PLA2G4C: variants seen among roughly 807,000 people sequenced by gnomAD.
The protein encoded by PLA2G4C is phospholipase A2 group IVC.
A neutral mutation model predicts 73.8 loss-of-function variants in PLA2G4C; 64 were observed. The ratio of observed to expected loss-of-function variants is 0.87; its 90% CI spans 0.71 to 1.07. PLA2G4C has a LOEUF of 1.07. PLA2G4C is among the 50% of genes least tolerant of loss of function. The pLI is 0.00. For synonymous variants in PLA2G4C, 254 were observed against 252.1 expected, an observed-to-expected ratio of 1.01 and a Z score of -0.07; for missense variants, 622 against 665.4, an observed-to-expected ratio of 0.93 and a Z score of 0.72.
chr19:48,068,488 G>C (rs1968533253), intron 12 of PLA2G4C, among the ~76,000 whole-genome samples: 1 of 151,750 alleles, frequency 6.6e-6, no homozygotes, highest in South Asian at 2.1e-4. Flanking sequence ...TTTGAGACCA[G>C]CTTGGGCAAG....
At chr19:48,107,137 G>A (rs8101311) in intron 1 of PLA2G4C, among the ~76,000 whole-genome samples, 45,906 of 151,732 alleles carry the variant, frequency 0.3, 7,923 homozygotes, top group East Asian at 0.51. Context: ...GAGCCACCGC[G>A]TCCGACCTGA....
rs767834879 is a variant in PLA2G4C, at chr19:48,106,565, C to A, written c.-32-4G>T. ...GGTCAGAAAATTCTCAGTCCTCCTGCCAAAGAAATGGCTCTTCTTAGTCCT... is the reference window on the plus strand; with the variant it reads ...GGTCAGAAAATTCTCAGTCCTCCTGACAAAGAAATGGCTCTTCTTAGTCCT... On this transcript the variant is annotated splice_polypyrimidine_tract_variant and splice_region_variant and intron_variant, in intron 1 of 16. Transcript: ENST00000599921. The A allele has an allele frequency of 4.1e-5, 66 of 1,612,372 alleles. No homozygotes were observed. Among genetic ancestry groups the A allele is most frequent in the Middle Eastern group, 3.3e-4 (2 of 6,080 alleles).
chr19:48,095,907 G>A (rs2031543673), intron 6 of PLA2G4C, among the ~76,000 whole-genome samples: 1 of 152,196 alleles, frequency 6.6e-6, no homozygotes, highest in Non-Finnish European at 1.5e-5. Context: ...GAGTGCAAGG[G>A]AAGAGTGTAG....
At chr19:48,071,592 C>A (rs1484544061) in intron 12 of PLA2G4C, among the ~76,000 whole-genome samples, 1 of 151,860 alleles carries the variant, frequency 6.6e-6, no homozygotes, top group African/African-American at 2.4e-5. Context: ...CCACCACACC[C>A]GGCCATTCTA....
chr19:48,091,188 ATTAT>A (rs199986034), intron 7 of PLA2G4C, among the ~76,000 whole-genome samples: 3,862 of 151,970 alleles, frequency 0.025, 78 homozygotes, highest in South Asian at 0.058. Context: ...CTAACTTTGT[ATTAT>A]TTATTTATTT....
chr19:48,050,348 T>C (rs901560419), intron 16 of PLA2G4C, among the ~76,000 whole-genome samples: 3 of 152,076 alleles, frequency 2.0e-5, no homozygotes, highest in Admixed American at 6.5e-5. Context: ...CTGGGGAACA[T>C]AGACTGGTCC....
In PLA2G4C at chr19:48,063,244, A is replaced by C. The variant is rs372496466; in HGVS notation, c.1103-1092T>G. Reference sequence around the variant, plus strand: ...TTTCTAGTAGAGACAAGGTTTCCCCATCTTGGCAAGGCTGGTCTTGAACTC... The same window carrying C: ...TTTCTAGTAGAGACAAGGTTTCCCCCTCTTGGCAAGGCTGGTCTTGAACTC... On this transcript the variant is annotated intron_variant, in intron 13 of 16. Coordinates refer to ENST00000599921, the MANE Select transcript of PLA2G4C (RefSeq NM_003706.3). 1.0e-3 allele frequency among the ~76,000 whole-genome samples: 152 copies of C among 152,132 alleles called. 3 individuals are homozygous for C. In the South Asian group the frequency reaches 0.03, roughly 30 times the overall value.
intron 15 of PLA2G4C, among the ~76,000 whole-genome samples, chr19:48,054,597 G>A (rs1045806319): frequency 2.6e-5 from 4 of 151,958 alleles, no homozygotes; most frequent in African/African-American, 9.7e-5. Flanking sequence ...TTACAGGCAT[G>A]AGCCACCGCG....
chr19:48,098,301 G>A (rs1283928036), intron 5 of PLA2G4C, 42 bp from the exon 6 acceptor site: 3 of 1,571,840 alleles, frequency 1.9e-6, no homozygotes, highest in South Asian at 1.2e-5. Context: ...GAGGCATGTG[G>A]GTCCCACAGG....
At chr19:48,060,621 T>C (rs1968134045) in intron 14 of PLA2G4C, among the ~76,000 whole-genome samples, 1 of 152,198 alleles carries the variant, frequency 6.6e-6, no homozygotes, top group South Asian at 2.1e-4. Context: ...AGGTTAAGCC[T>C]ATCGCTCGGG....
In PLA2G4C at chr19:48,077,811, C is replaced by T; in HGVS notation, c.858G>A (p.Arg286=). The change falls in exon 11 of 17, where the codon AGG becomes AGA. Residue 286 remains arginine (R), a synonymous_variant. Coordinates refer to ENST00000599921, the MANE Select transcript of PLA2G4C (RefSeq NM_003706.3). ...IGHLIFARLL[R]LQESSQGEHP... ...GTTCCCCTTGTGAACTTTCTTGCAG[C>T]CTCAGTAATCGGGCTGCAAAAGAGC... is the stretch of plus-strand genomic sequence containing the variant. 6.2e-7 allele frequency: 1 copy of T among 1,607,392 alleles called. No individual in the cohort carries two copies. Among genetic ancestry groups the T allele is most frequent in the Middle Eastern group, 1.7e-4 (1 of 5,928 alleles).
chr19:48,070,150 G>C (rs2386976), intron 12 of PLA2G4C, among the ~76,000 whole-genome samples: 1 of 152,030 alleles, frequency 6.6e-6, no homozygotes, highest in Non-Finnish European at 1.5e-5. Flanking sequence ...AGATTTATGA[G>C]GAATAAGTAA....
At chr19:48,055,854 C>T (rs1967921890) in intron 14 of PLA2G4C, among the ~76,000 whole-genome samples, 1 of 151,676 alleles carries the variant, frequency 6.6e-6, no homozygotes, top group Admixed American at 6.6e-5. Flanking sequence ...GGTTGGTGAT[C>T]CTCAGGTGAT....
At position 48,088,685 on chromosome 19, in the gene PLA2G4C, C is replaced by G. The variant is rs749480172; in HGVS notation, c.790+1G>C. The G allele has an allele frequency of 9.3e-6, 15 of 1,607,620 alleles. No homozygotes were observed. The highest frequency in any genetic ancestry group is 1.3e-5 in the Non-Finnish European group (15 of 1,174,156). ...GATTCATGATGAAGTAGGATGCTTA[C>G]CTTTCAGGGTCAGATTCCTTAACTG... On this transcript the variant is annotated splice_donor_variant, in intron 9 of 16. Transcript: ENST00000599921. LOFTEE classifies it high-confidence loss of function.
Position 48,088,731 on chromosome 19 carries a change from A to G in PLA2G4C, c.764-19T>C. ...AACTGGTCTGCAAAAGAGTAGAAGC[A>G]GGAGGAATGTTTATCTGTACAACAA... On this transcript the variant is annotated intron_variant, in intron 8 of 16. Coordinates refer to ENST00000599921, the MANE Select transcript of PLA2G4C (RefSeq NM_003706.3). The G allele has an allele frequency of 6.3e-7, 1 of 1,584,478 alleles. No individual in the cohort carries two copies. The highest frequency in any genetic ancestry group is 8.7e-7 in the Non-Finnish European group (1 of 1,152,840).
At chr19:48,078,045 T>A (rs1461575937) in intron 10 of PLA2G4C, among the ~76,000 whole-genome samples, 1 of 152,064 alleles carries the variant, frequency 6.6e-6, no homozygotes, top group African/African-American at 2.4e-5. Context: ...ATCAAGTGGG[T>A]TTCATACTAG....
chr19:48,109,736 G>A (rs1041574543), intron 1 of PLA2G4C, among the ~76,000 whole-genome samples: 8 of 151,984 alleles, frequency 5.3e-5, no homozygotes, highest in Non-Finnish European at 1.0e-4. Context: ...TGCAAGCTCC[G>A]CCTTCCGGGC....
At chr19:48,108,582 G>A (rs949164262) in intron 1 of PLA2G4C, among the ~76,000 whole-genome samples, 3 of 152,152 alleles carry the variant, frequency 2.0e-5, no homozygotes, top group African/African-American at 4.8e-5. Flanking sequence ...TTCAACCCAC[G>A]ACTGTTCTTT....
chr19:48,076,138 C>A (rs2030138409), intron 11 of PLA2G4C, among the ~76,000 whole-genome samples: 1 of 152,206 alleles, frequency 6.6e-6, no homozygotes, highest in South Asian at 2.1e-4. Flanking sequence ...GCAGCCTTCA[C>A]AACTAAAACA....
Sources: gnomAD v4.1 joint callset for allele counts (sites outside exome capture counted in the v4.1 genomes callset) on GRCh38, gnomAD v4.1.1 for gene constraint, MANE v1.5 for transcripts, NCBI Gene and HGNC (gene_info 2026-07-23, HGNC 2026-07-21) for gene names.